The following COL4A3 variants were observed in gnomAD, a reference collection of about 807,000 sequenced individuals.
The protein encoded by COL4A3 is collagen type IV alpha 3 chain.
In COL4A3, 135 loss-of-function variants were observed where a neutral mutation model predicts 217.4. That is an observed-to-expected ratio of 0.62 (90% CI 0.54 to 0.72). The LOEUF (loss-of-function observed/expected upper bound fraction) is 0.72, where lower values mean the gene tolerates loss of function less well. COL4A3 is among the 30% of genes least tolerant of loss of function. COL4A3 has a pLI of 0.00. For synonymous variants in COL4A3, 690 were observed against 736.3 expected, an observed-to-expected ratio of 0.94 and a Z score of 1.02; for missense variants, 1,868 against 2,119.9, an observed-to-expected ratio of 0.88 and a Z score of 2.33.
In COL4A3 at chr2:227,288,542, T is replaced by A. The variant is rs115392876; in HGVS notation, c.2882-608T>A. Among the ~76,000 whole-genome samples, 240 of 152,364 alleles carry A rather than the reference T, an allele frequency of 1.6e-3. 3 individuals are homozygous for A. The highest frequency in any genetic ancestry group is 5.3e-3 in the African/African-American group (222 of 41,590). On this transcript the variant is annotated intron_variant, in intron 34 of 51. Coordinates refer to ENST00000396578, the MANE Select transcript of COL4A3 (RefSeq NM_000091.5). ...GTTATTAACTGATTGACACTGTGATTCTGGCCTTTGACTTACCTAATACTT... is the reference window on the plus strand; with the variant it reads ...GTTATTAACTGATTGACACTGTGATACTGGCCTTTGACTTACCTAATACTT...
intron 1 of COL4A3, among the ~76,000 whole-genome samples, chr2:227,195,743 A>G (rs1178637268): frequency 6.7e-6 from 1 of 150,130 alleles, no homozygotes; most frequent in Non-Finnish European, 1.5e-5. Context: ...GTCCTTCAGG[A>G]GATATCCAGA....
chr2:227,198,359 T>C (rs1432958833), intron 1 of COL4A3, among the ~76,000 whole-genome samples: 1 of 152,218 alleles, frequency 6.6e-6, no homozygotes, highest in Admixed American at 6.5e-5. Flanking sequence ...AATGCCGATT[T>C]TCCAAATTGT....
intron 43 of COL4A3, among the ~76,000 whole-genome samples, chr2:227,301,197 C>A (rs1367443314): frequency 1.3e-5 from 2 of 152,210 alleles, no homozygotes; most frequent in Non-Finnish European, 2.9e-5. Context: ...ATTCACCAAG[C>A]TTTAAATCTA....
chr2:227,263,756 C>A (rs1244351376), intron 20 of COL4A3, 24 bp from the exon 21 acceptor site: 1 of 1,605,222 alleles, frequency 6.2e-7, no homozygotes, highest in Admixed American at 1.7e-5. Flanking sequence ...ATGTAAAATA[C>A]AAGAAATGAT....
At chr2:227,262,360 G>A (rs1278006615) in intron 20 of COL4A3, among the ~76,000 whole-genome samples, 2 of 152,098 alleles carry the variant, frequency 1.3e-5, no homozygotes, top group African/African-American at 4.8e-5. Flanking sequence ...AAGCCGATGA[G>A]AGGAAAACTA....
intron 1 of COL4A3, among the ~76,000 whole-genome samples, chr2:227,196,359 C>T (rs1574534698): frequency 6.6e-6 from 1 of 151,974 alleles, no homozygotes; most frequent in African/African-American, 2.4e-5. Context: ...GCTCTGTCGC[C>T]CAGGCTGGAG....
Position 227,202,925 on chromosome 2 carries a change from GTA to G in COL4A3, c.88-35037_88-35036del, listed in dbSNP as rs1491371466. On this transcript the variant is annotated intron_variant, in intron 1 of 51. Transcript: ENST00000396578. ...TATATGTGTATATATACATATATGT[GTA>G]TATATGTGTATATATGTGTATATAT... is the stretch of plus-strand genomic sequence containing the variant. Among the ~76,000 whole-genome samples, 2 of 23,192 alleles carry G rather than the reference GTA, an allele frequency of 8.6e-5. 1 individual carries two copies. The highest frequency in any genetic ancestry group is 2.6e-3 in the East Asian group (2 of 770). The allele number at this position is 23,192 out of a possible 152,430, so 15.2% of individuals were successfully genotyped here. A position where few individuals can be genotyped will look rare whatever the true frequency, so the allele number is the denominator to read the frequency against.
Position 227,280,991 on chromosome 2 carries a change from T to A in COL4A3, c.2473T>A (p.Leu825Met). ...GAQGLPGLNG[L>M]KGQQGRRGKT... The stretch of plus-strand genomic sequence containing the variant: ...CCAAGGACTTCCAGGCTTAAATGGA[T>A]TGAAAGGGCAACAAGGTAGGAGGAG... The change falls in exon 31 of 52, where the codon TTG (leucine) becomes ATG (methionine). Residue 825 changes from leucine to methionine, a missense_variant. Transcript: ENST00000396578. 1 of 1,561,588 alleles carries A rather than the reference T, an allele frequency of 6.4e-7. No homozygotes were observed. Among genetic ancestry groups the A allele is most frequent in the Non-Finnish European group, 8.7e-7 (1 of 1,152,218 alleles).
intron 11 of COL4A3, 64 bp downstream of exon 11, chr2:227,251,435 G>A: frequency 6.6e-7 from 1 of 1,508,962 alleles, no homozygotes; most frequent in Non-Finnish European, 9.2e-7. Context: ...GCCAAACCTG[G>A]TCTGCTTCTT....
chr2:227,237,699 T>C, intron 1 of COL4A3: 1 of 337,920 alleles, frequency 3.0e-6, no homozygotes, highest in Non-Finnish European at 5.7e-6. Flanking sequence ...AAAACGGCCA[T>C]TACTTTAACA....
intron 1 of COL4A3, among the ~76,000 whole-genome samples, chr2:227,202,439 A>AT (rs1463811138): frequency 6.6e-6 from 1 of 152,044 alleles, no homozygotes; most frequent in African/African-American, 2.4e-5. Flanking sequence ...GTATGCGGGT[A>AT]TTTTTTTAAA....
chr2:227,290,180 T>G, intron 36 of COL4A3, 92 bp downstream of exon 36: 20 of 1,238,616 alleles, frequency 1.6e-5, no homozygotes, highest in Non-Finnish European at 2.0e-5. Context: ...GTTTTCCACT[T>G]GGTAGAAAGC....
At chr2:227,246,136 A>C in intron 6 of COL4A3, 120 bp downstream of exon 6, 1 of 792,830 alleles carries the variant, frequency 1.3e-6, no homozygotes, top group Non-Finnish European at 2.2e-6. Context: ...GGCCAGAACC[A>C]ACAGCATAAT....
At chr2:227,194,398 G>C (rs1165989611) in intron 1 of COL4A3, among the ~76,000 whole-genome samples, 1 of 151,968 alleles carries the variant, frequency 6.6e-6, no homozygotes, top group Non-Finnish European at 1.5e-5. Context: ...GTGAGGGAGG[G>C]ACCAGGTGCT....
intron 1 of COL4A3, among the ~76,000 whole-genome samples, chr2:227,197,700 A>T (rs1350033905): frequency 6.6e-6 from 1 of 152,190 alleles, no homozygotes; most frequent in Admixed American, 6.5e-5. Context: ...CTCACAACAC[A>T]TACACACCTA....
rs1553739292 is a variant in COL4A3 at position 227,203,362 on chromosome 2, C to CCCATATATGTATATATACATATATGTGT, written c.88-34606_88-34605insCCATATATGTATATATACATATATGTGT. ...ATATGTGTATATATGTGTATATATA[C>CCCATATATGTATATATACATATATGTGT]ATATATGTGTATACATACATATATG... is the stretch of plus-strand genomic sequence containing the variant. On this transcript the variant is annotated intron_variant, in intron 1 of 51. Coordinates refer to ENST00000396578, the MANE Select transcript of COL4A3 (RefSeq NM_000091.5). 1.6e-4 allele frequency among the ~76,000 whole-genome samples: 4 copies of CCCATATATGTATATATACATATATGTGT among 25,804 alleles called. 2 individuals carry two copies. The highest frequency in any genetic ancestry group is 7.1e-4 in the African/African-American group (4 of 5,600). The allele number at this position is 25,804 out of a possible 152,430, so 16.9% of individuals were successfully genotyped here. A position where few individuals can be genotyped will look rare whatever the true frequency, so the allele number is the denominator to read the frequency against.
At chr2:227,182,921 C>T (rs576790858) in intron 1 of COL4A3, among the ~76,000 whole-genome samples, 5 of 152,186 alleles carry the variant, frequency 3.3e-5, no homozygotes, top group Non-Finnish European at 7.3e-5. Context: ...ATACCAACTA[C>T]TCTAACATTT....
rs753771653 is a variant in COL4A3 at position 227,307,851 on chromosome 2, T to C, written c.4394T>C (p.Val1465Ala). Residue 1465 changes from valine to alanine, a missense_variant, in exon 48 of 52, where the codon GTG becomes GCG. Transcript: ENST00000396578. ...ATTCCTTCATGTCCAGAGGGGACAG[T>C]GCCACTCTACAGTGGGTTTTCTTTT... ...TAIPSCPEGT[V>A]PLYSGFSFLF... The C allele has an allele frequency of 1.2e-6, 2 of 1,614,128 alleles. No homozygotes were observed. The highest frequency in any genetic ancestry group is 2.2e-5 in the South Asian group (2 of 91,066).
Position 227,164,681 on chromosome 2 carries a change from G to A in COL4A3, c.-46G>A. The stretch of plus-strand genomic sequence containing the variant: ...GCGCAGGAGACGCGGTGGCCTGAGA[G>A]CCTGAGGGTCCCCGGACTCGCCCAG... On this transcript the variant is annotated 5_prime_UTR_variant, in exon 1 of 52. Transcript: ENST00000396578. The surrounding 1 kb of genome is among the most constrained non-coding windows in gnomAD (Gnocchi z 4.8). 6.5e-7 allele frequency: 1 copy of A among 1,529,926 alleles called. No individual in the cohort carries two copies. Among genetic ancestry groups the A allele is most frequent in the African/African-American group, 1.4e-5 (1 of 72,476 alleles). 94.8% of individuals were successfully genotyped at this position (1,529,926 alleles called of 1,614,324 possible).
Sources: allele counts gnomAD v4.1 joint callset (sites outside exome capture counted in the v4.1 genomes callset), GRCh38; gene constraint gnomAD v4.1.1; non-coding constraint Gnocchi (gnomAD v3.1); transcripts MANE v1.5; gene names NCBI Gene and HGNC (gene_info 2026-07-23, HGNC 2026-07-21).